CSMD2: variants seen among roughly 807,000 people sequenced by gnomAD.
The protein encoded by CSMD2 is CUB and Sushi multiple domains 2, also known as CUB and sushi domain-containing protein 2.
CSMD2 carries 130 observed loss-of-function variants against 398.5 expected under a neutral mutation model. The observed-to-expected ratio is 0.33, with a 90% confidence interval of 0.28 to 0.38. The LOEUF is 0.38. CSMD2 is among the 10% of genes least tolerant of loss of function. The probability of loss-of-function intolerance (pLI) is 1.00; values close to 1 mark genes in which losing one functional copy is unlikely to be tolerated. For synonymous variants in CSMD2, 1,828 were observed against 1,908.5 expected (o/e 0.96, Z 1.10); for missense variants, 3,829 against 4,764.9 (o/e 0.80, Z 5.78).
intron 1 of CSMD2, among the ~76,000 whole-genome samples, chr1:34,136,548 ATC>A (rs1638771792): frequency 1.3e-5 from 2 of 152,188 alleles, no homozygotes; most frequent in African/African-American, 4.8e-5. Context: ...GGCCTGACAT[ATC>A]ATGATTTTTC....
At chr1:33,572,391 G>GTTT in intron 50 of CSMD2, 115 bp downstream of exon 50, 23 of 823,392 alleles carry the variant, frequency 2.8e-5, no homozygotes, top group South Asian at 1.4e-4. Context: ...CCATGTCCAT[G>GTTT]TTTTTTTTTT....
At chr1:33,852,611 C>T (rs768569351) in intron 5 of CSMD2, among the ~76,000 whole-genome samples, 13 of 152,254 alleles carry the variant, frequency 8.5e-5, no homozygotes, top group Non-Finnish European at 1.9e-4. Context: ...CCCCAGTGGA[C>T]ATGGCCCTGC....
At chr1:34,159,628 C>A (rs1257650277) in intron 1 of CSMD2, among the ~76,000 whole-genome samples, 1 of 152,234 alleles carries the variant, frequency 6.6e-6, no homozygotes, top group Non-Finnish European at 1.5e-5. Flanking sequence ...TGTGTCCTCT[C>A]TGAACCTGTT....
At position 34,164,946 on chromosome 1, in the gene CSMD2, A is replaced by C; in HGVS notation, c.152T>G (p.Leu51Arg). ...CGAGACGCTGAGCAACCCACAGCCC[A>C]GCAACAGCAGCAGAGGCGGCGGCGT... ...PPTPPPLLLL[L>R]GCGLLSVSAA... Residue 51 changes from leucine (L) to arginine (R), a missense_variant, in exon 1 of 71, where the codon CTG becomes CGG. Transcript: ENST00000373381. This position sits in a 1 kb window ranked among gnomAD's most constrained non-coding sequence, Gnocchi z 6.2. 8.2e-7 allele frequency: 1 copy of C among 1,221,192 alleles called. No homozygotes were observed. Among genetic ancestry groups the C allele is most frequent in the Non-Finnish European group, 1.0e-6 (1 of 981,310 alleles). 75.6% of individuals were successfully genotyped at this position (1,221,192 alleles called of 1,614,324 possible). A position where few individuals can be genotyped will look rare whatever the true frequency, so the allele number is the denominator to read the frequency against.
chr1:33,731,174 G>T (rs866911143), intron 15 of CSMD2, among the ~76,000 whole-genome samples: 1 of 152,054 alleles, frequency 6.6e-6, no homozygotes, highest in African/African-American at 2.4e-5. Flanking sequence ...AGGTGTTAGG[G>T]AATCAACTCA....
chr1:33,991,125 C>T (rs532911054), intron 3 of CSMD2, among the ~76,000 whole-genome samples: 2 of 151,782 alleles, frequency 1.3e-5, no homozygotes, highest in South Asian at 2.1e-4. Context: ...CTTAAGCGAT[C>T]CTCCCAAGTA....
chr1:33,787,672 T>C (rs756866762), intron 12 of CSMD2, among the ~76,000 whole-genome samples: 9 of 152,200 alleles, frequency 5.9e-5, no homozygotes, highest in Admixed American at 3.9e-4. Context: ...CTTGTGCTGG[T>C]CTAGCGTCTA....
At chr1:33,916,426 C>T (rs957121441) in intron 5 of CSMD2, among the ~76,000 whole-genome samples, 2 of 152,200 alleles carry the variant, frequency 1.3e-5, no homozygotes, top group South Asian at 2.1e-4. Context: ...CTTCACACTG[C>T]GCAGATCATC....
chr1:33,716,539 G>A, intron 19 of CSMD2, 38 bp from the exon 20 acceptor site: 1 of 1,473,316 alleles, frequency 6.8e-7, no homozygotes, highest in Admixed American at 1.8e-5. Context: ...TTGATGGCGA[G>A]ATGGCTGGAG....
At chr1:33,829,127 T>A (rs962185613) in intron 6 of CSMD2, among the ~76,000 whole-genome samples, 3 of 152,178 alleles carry the variant, frequency 2.0e-5, no homozygotes, top group Non-Finnish European at 4.4e-5. Flanking sequence ...GTCCTCATCA[T>A]GTTAGCGCAG....
rs554787133 is a variant in CSMD2, at chr1:33,624,119, C to T, written c.5625+400G>A. Among the ~76,000 whole-genome samples, 1 of 152,318 alleles carries T rather than the reference C, an allele frequency of 6.6e-6. No individual in the cohort carries two copies. The highest frequency in any genetic ancestry group is 2.4e-5 in the African/African-American group (1 of 41,568). Reference sequence around the variant, plus strand: ...TAGCACTGCCTCCCCTTCTAACCCTCACAATCTTAAGAAAATCTTTAGCCA... The same window carrying T: ...TAGCACTGCCTCCCCTTCTAACCCTTACAATCTTAAGAAAATCTTTAGCCA... On this transcript the variant is annotated intron_variant, in intron 35 of 70. Coordinates refer to ENST00000373381, the MANE Select transcript of CSMD2 (RefSeq NM_001281956.2). The surrounding 1 kb of genome is among the most constrained non-coding windows in gnomAD (Gnocchi z 4.7).
At chr1:34,118,007 A>G (rs1172697247) in intron 1 of CSMD2, among the ~76,000 whole-genome samples, 2 of 152,182 alleles carry the variant, frequency 1.3e-5, no homozygotes, top group African/African-American at 4.8e-5. Flanking sequence ...TGAGGTCAGG[A>G]GTTCAAGACC....
chr1:34,032,673 A>G lies in CSMD2; in HGVS notation c.438T>C (p.Val146=). The change falls in exon 3 of 71, where the codon GTT becomes GTC. Residue 146 remains valine (V), a synonymous_variant. Transcript: ENST00000373381. Reference sequence around the variant, plus strand: ...GCAGAGAGAGGGTGGTGGCTGCACTAACAATGGTGGCTGGCAGCTGAAAGC... The same window carrying G: ...GCAGAGAGAGGGTGGTGGCTGCACTGACAATGGTGGCTGGCAGCTGAAAGC... ...LTGFQLPATI[V]SAATTLSLRL... 1 of 1,600,264 alleles carries G rather than the reference A, an allele frequency of 6.2e-7. No homozygotes were observed.
At chr1:33,738,851 T>C (rs1358466214) in intron 15 of CSMD2, among the ~76,000 whole-genome samples, 1 of 152,254 alleles carries the variant, frequency 6.6e-6, no homozygotes, top group Admixed American at 6.5e-5. Flanking sequence ...GGGATCTTAA[T>C]GGCTGTGATA....
intron 1 of CSMD2, among the ~76,000 whole-genome samples, chr1:34,132,635 G>A (rs1663480058): frequency 6.6e-6 from 1 of 152,214 alleles, no homozygotes. Context: ...CACCAATGTG[G>A]GTGGGCCTCA....
At chr1:34,075,315 C>A (rs989929480) in intron 2 of CSMD2, among the ~76,000 whole-genome samples, 4 of 152,228 alleles carry the variant, frequency 2.6e-5, no homozygotes, top group Admixed American at 2.6e-4. Context: ...GAGAGCAGAC[C>A]CTTCAAGGAC....
At chr1:33,673,950 C>A (rs2149038775) in intron 25 of CSMD2, among the ~76,000 whole-genome samples, 1 of 152,292 alleles carries the variant, frequency 6.6e-6, no homozygotes, top group African/African-American at 2.4e-5. Flanking sequence ...TAAAAGAGCT[C>A]CTGAAGGAAG....
chr1:33,714,940 A>G (rs982912296), intron 20 of CSMD2, among the ~76,000 whole-genome samples, 165 bp from the exon 21 acceptor site: 16 of 152,338 alleles, frequency 1.1e-4, no homozygotes, highest in African/African-American at 3.1e-4. Context: ...ACTGGCCCAA[A>G]AAGAGAAGAA....
At chr1:33,788,889 G>C (rs747441398) in intron 11 of CSMD2, among the ~76,000 whole-genome samples, 177 bp from the exon 12 acceptor site, 1 of 152,186 alleles carries the variant, frequency 6.6e-6, no homozygotes, top group Non-Finnish European at 1.5e-5. Context: ...GTGCTGGGAA[G>C]ACTCATCCTG....
Sources: allele counts gnomAD v4.1 joint callset (sites outside exome capture counted in the v4.1 genomes callset), GRCh38; gene constraint gnomAD v4.1.1; non-coding constraint Gnocchi (gnomAD v3.1); transcripts MANE v1.5; gene names NCBI Gene and HGNC (gene_info 2026-07-23, HGNC 2026-07-21).